MAD1L1: variants seen among roughly 807,000 people sequenced by gnomAD.
MAD1L1 encodes mitotic arrest deficient 1 like 1.
Under a neutral mutation model 96.9 loss-of-function variants are expected in MAD1L1, and 95 were observed. The ratio of observed to expected loss-of-function variants is 0.98; its 90% confidence interval spans 0.83 to 1.16. The LOEUF (loss-of-function observed/expected upper bound fraction) is 1.16. Ranked by LOEUF, MAD1L1 falls within the 50% of genes most tolerant of loss-of-function variation. The probability of loss-of-function intolerance (pLI) is 0.00; values close to 1 mark genes in which losing one functional copy is unlikely to be tolerated. For missense variants in MAD1L1, 1,007 were observed against 954.4 expected (o/e 1.06, Z -0.73); for synonymous variants, 473 against 396.6 (o/e 1.19, Z -2.29).
intron 14 of MAD1L1, 86 bp downstream of exon 14, chr7:2,001,979 G>C (rs1489606600): frequency 1.4e-6 from 2 of 1,434,008 alleles, no homozygotes; most frequent in Non-Finnish European, 2.0e-6. Context: ...GGCGCCTGCA[G>C]CCTAAAGGCT....
chr7:1,869,674 TAATGAGCTACG>T (rs961527027), intron 18 of MAD1L1, among the ~76,000 whole-genome samples: 8 of 152,126 alleles, frequency 5.3e-5, no homozygotes, highest in African/African-American at 1.9e-4. Flanking sequence ...CCTGCGTCGG[TAATGAGCTACG>T]ATTGTCAATC....
At chr7:1,841,340 G>A (rs1479562958) in intron 18 of MAD1L1, among the ~76,000 whole-genome samples, 5 of 152,250 alleles carry the variant, frequency 3.3e-5, no homozygotes, top group Non-Finnish European at 7.3e-5. Context: ...CTGGGCTGAA[G>A]CTGCATCTCA....
At chr7:2,129,598 C>G (rs563474142) in intron 11 of MAD1L1, among the ~76,000 whole-genome samples, 1 of 152,260 alleles carries the variant, frequency 6.6e-6, no homozygotes, top group African/African-American at 2.4e-5. Flanking sequence ...AGCACACACA[C>G]GATCCCATCC....
At chr7:2,200,063 TTCCCACGCCTGCCCTCC>T (rs1792202635) in intron 10 of MAD1L1, among the ~76,000 whole-genome samples, 1 of 152,176 alleles carries the variant, frequency 6.6e-6, no homozygotes, top group African/African-American at 2.4e-5. Flanking sequence ...CTCAGAGCTC[TTCCCACGCCTGCCCTCC>T]ATCCTCCACC....
At chr7:2,220,762 C>T (rs1332359416) in intron 5 of MAD1L1, 8 of 1,084,420 alleles carry the variant, frequency 7.4e-6, no homozygotes, top group East Asian at 5.3e-5. Flanking sequence ...ACAATATGTA[C>T]GGTTTACTTC....
In MAD1L1 at chr7:2,199,270, T is replaced by C. The variant is rs527806687; in HGVS notation, c.986+13942A>G. On this transcript the variant is annotated intron_variant, in intron 10 of 18. Transcript: ENST00000265854. ...CCTCTGGTTTTGGCCTTTTTAAATGTTGGCATATGGACTAAGGAATGGAAT... is the reference window on the plus strand; with the variant it reads ...CCTCTGGTTTTGGCCTTTTTAAATGCTGGCATATGGACTAAGGAATGGAAT... Among the ~76,000 whole-genome samples the C allele has an allele frequency of 3.3e-5, 5 of 152,380 alleles. No individual in the cohort carries two copies. The East Asian group carries it at 5.8e-4, about 18-fold the overall frequency.
chr7:2,193,163 G>C (rs73041310), intron 10 of MAD1L1: 3,506 of 152,510 alleles, frequency 0.023, 63 homozygotes, highest in Non-Finnish European at 0.038. Flanking sequence ...CCCTCAGTCA[G>C]AACAGGGACT....
At chr7:1,933,912 A>G (rs1233392097) in intron 17 of MAD1L1, among the ~76,000 whole-genome samples, 1 of 152,082 alleles carries the variant, frequency 6.6e-6, no homozygotes, top group Non-Finnish European at 1.5e-5. Context: ...TTGAGGTGTA[A>G]CTCAGGCGGG....
At chr7:1,818,814 C>T (rs1390167168) in intron 18 of MAD1L1, among the ~76,000 whole-genome samples, 5 of 149,710 alleles carry the variant, frequency 3.3e-5, no homozygotes, top group East Asian at 2.0e-4. Flanking sequence ...CGGCCTCAGG[C>T]GGCTCTGGAA....
At chr7:1,863,688 G>A (rs115991972) in intron 18 of MAD1L1, among the ~76,000 whole-genome samples, 2,588 of 152,270 alleles carry the variant, frequency 0.017, 84 homozygotes, top group African/African-American at 0.058. Flanking sequence ...TTGCCCCTCC[G>A]CTCCCTGGAG....
chr7:2,009,240 C>T (rs948465049), intron 13 of MAD1L1, among the ~76,000 whole-genome samples: 4 of 152,218 alleles, frequency 2.6e-5, no homozygotes, highest in Admixed American at 2.6e-4. Flanking sequence ...GAAGTTGCTG[C>T]CTGTGATCCA....
chr7:2,127,917 G>T (rs1312236167), intron 11 of MAD1L1, among the ~76,000 whole-genome samples: 4 of 152,180 alleles, frequency 2.6e-5, no homozygotes, highest in African/African-American at 9.7e-5. Flanking sequence ...CCGACCAGCG[G>T]CTGTGACCTC....
chr7:2,189,363 C>T (rs1220002660), intron 10 of MAD1L1, among the ~76,000 whole-genome samples: 3 of 152,206 alleles, frequency 2.0e-5, no homozygotes, highest in Non-Finnish European at 4.4e-5. Context: ...CAGCATTATT[C>T]ACAGTAGCTA....
chr7:2,159,552 C>T (rs1004600028), intron 10 of MAD1L1, among the ~76,000 whole-genome samples: 1 of 152,204 alleles, frequency 6.6e-6, no homozygotes, highest in Non-Finnish European at 1.5e-5. Flanking sequence ...AATGCAGGCT[C>T]CAGAAAGGCA....
chr7:1,997,112 G>C (rs1373232029), intron 14 of MAD1L1, among the ~76,000 whole-genome samples: 3 of 152,234 alleles, frequency 2.0e-5, no homozygotes, highest in Non-Finnish European at 4.4e-5. Flanking sequence ...TTACTAATTA[G>C]TACGGGTTTG....
At chr7:2,014,053 G>A (rs1428381413) in intron 13 of MAD1L1, among the ~76,000 whole-genome samples, 4 of 152,242 alleles carry the variant, frequency 2.6e-5, no homozygotes, top group East Asian at 1.9e-4. Context: ...GGAGCTGGGC[G>A]CCCTGGGCCT....
intron 10 of MAD1L1, among the ~76,000 whole-genome samples, chr7:2,186,921 G>A (rs1245427099): frequency 4.6e-5 from 7 of 151,674 alleles, no homozygotes; most frequent in Non-Finnish European, 1.0e-4. Flanking sequence ...AGCCTCCCCA[G>A]TAGCTGGGAT....
At chr7:2,172,420 A>G (rs965294296) in intron 10 of MAD1L1, among the ~76,000 whole-genome samples, 1 of 152,210 alleles carries the variant, frequency 6.6e-6, no homozygotes, top group Non-Finnish European at 1.5e-5. Context: ...CCCAGGGCCC[A>G]GCAGCAGGAA....
chr7:2,156,311 G>C (rs2128585077), intron 10 of MAD1L1, among the ~76,000 whole-genome samples: 1 of 152,340 alleles, frequency 6.6e-6, no homozygotes, highest in African/African-American at 2.4e-5. Context: ...CGAGGGCAGT[G>C]GATGCATGGT....
Sources: gnomAD v4.1 joint callset for allele counts (sites outside exome capture counted in the v4.1 genomes callset) on GRCh38, gnomAD v4.1.1 for gene constraint, MANE v1.5 for transcripts, NCBI Gene and HGNC (gene_info 2026-07-23, HGNC 2026-07-21) for gene names.